RANBP2: variants seen among roughly 807,000 people sequenced by gnomAD.
RANBP2 encodes RAN binding protein 2.
RANBP2 carries 57 observed loss-of-function variants against 303.6 expected under a neutral mutation model. The ratio of observed to expected loss-of-function variants is 0.19; its 90% CI spans 0.15 to 0.23. The LOEUF is 0.23. RANBP2 is among the 10% of genes least tolerant of loss of function. The probability of loss-of-function intolerance (pLI) is 1.00; values close to 1 mark genes in which losing one functional copy is unlikely to be tolerated. For missense variants in RANBP2, 3,138 were observed against 3,780.8 expected (o/e 0.83, Z 4.46); for synonymous variants, 1,167 against 1,301.5 (o/e 0.90, Z 2.23).
intron 6 of RANBP2, 149 bp downstream of exon 6, chr2:108,736,398 C>G (rs1695588277): frequency 2.8e-6 from 4 of 1,445,692 alleles, no homozygotes; most frequent in African/African-American, 1.4e-5. Context: ...AGGAGGCAAT[C>G]TTATTTTTCT....
the RANBP2 span, among the ~76,000 whole-genome samples, chr2:109,480,083 TCTC>T: frequency 1.3e-5 from 2 of 152,148 alleles, no homozygotes; most frequent in East Asian, 3.9e-4. Flanking sequence ...TCCTGGCACT[TCTC>T]CTTTAGCTGA....
chr2:109,499,200 C>T, the RANBP2 span, among the ~76,000 whole-genome samples: 13 of 152,160 alleles, frequency 8.5e-5, no homozygotes, highest in South Asian at 2.1e-4. Context: ...TCCAGAGCCG[C>T]GGGGGCCGTG....
At chr2:109,613,870 C>A in the RANBP2 span, 5 of 1,230,908 alleles carry the variant, frequency 4.1e-6, no homozygotes, top group Non-Finnish European at 5.1e-6. Flanking sequence ...ATCAGCCCGG[C>A]CCCGAGCGGC....
the RANBP2 span, among the ~76,000 whole-genome samples, chr2:109,549,191 A>G: frequency 6.6e-6 from 1 of 152,352 alleles, no homozygotes; most frequent in South Asian, 2.1e-4. Flanking sequence ...ACACGTGTGC[A>G]TCGGTGATGT....
chr2:109,166,285 T>C, the RANBP2 span, among the ~76,000 whole-genome samples: 1 of 152,020 alleles, frequency 6.6e-6, no homozygotes, highest in African/African-American at 2.4e-5. Context: ...GAGACCATCC[T>C]GGCCAACATA....
the RANBP2 span, chr2:108,929,299 C>A: frequency 6.2e-7 from 1 of 1,614,210 alleles, no homozygotes; most frequent in Non-Finnish European, 8.5e-7. Flanking sequence ...GCCTGCATAT[C>A]TGGTAGCCTC....
At chr2:109,447,352 T>C in the RANBP2 span, among the ~76,000 whole-genome samples, 1 of 152,268 alleles carries the variant, frequency 6.6e-6, no homozygotes, top group Admixed American at 6.5e-5. Context: ...TGGAGAGCTT[T>C]GTATGTCTCA....
Position 108,767,477 on chromosome 2 carries a change from T to C in RANBP2, c.6938T>C (p.Val2313Ala). The C allele has an allele frequency of 6.2e-7, 1 of 1,611,964 alleles. No homozygotes were observed. The highest frequency in any genetic ancestry group is 8.5e-7 in the Non-Finnish European group (1 of 1,179,834). ...EERDGQYFEP[V>A]VPLPDLVEVS... ...AGAGATGGACAGTACTTTGAACCTG[T>C]TGTTCCTTTACCTGATCTAGTTGAA... Residue 2313 changes from valine to alanine, a missense_variant, in exon 20 of 29, where the codon GTT (valine) becomes GCT (alanine). By Grantham distance (64) the Val-to-Ala change is moderately conservative. Transcript: ENST00000283195.
chr2:108,942,557 G>A, the RANBP2 span, among the ~76,000 whole-genome samples: 1 of 152,250 alleles, frequency 6.6e-6, no homozygotes, highest in Non-Finnish European at 1.5e-5. Context: ...TCTCCCTCCC[G>A]TTCTAGAAGA....
the RANBP2 span, among the ~76,000 whole-genome samples, chr2:108,952,760 G>T: frequency 3.9e-5 from 6 of 152,026 alleles, no homozygotes; most frequent in African/African-American, 1.4e-4. Flanking sequence ...CTATTTCTTC[G>T]TATGTGTGGT....
Position 108,777,193 on chromosome 2 carries a change from C to T in RANBP2, c.8561C>T (p.Ala2854Val). The change falls in exon 25 of 29, where the codon GCT becomes GTT. Residue 2854 changes from alanine (A) to valine (V), a missense_variant. Physicochemically the swap from Ala to Val is moderately conservative, Grantham distance 64. Coordinates refer to ENST00000283195, the MANE Select transcript of RANBP2 (RefSeq NM_006267.5). ...ACAGGGCTCTCATTTGCAGACTTGGCTTCCAGTAATTCTGGAGATTTTGCT... is the reference window on the plus strand; with the variant it reads ...ACAGGGCTCTCATTTGCAGACTTGGTTTCCAGTAATTCTGGAGATTTTGCT... ...SSTGLSFADL[A>V]SSNSGDFAFG... The T allele has an allele frequency of 6.2e-7, 1 of 1,613,508 alleles. No homozygotes were observed. Among genetic ancestry groups the T allele is most frequent in the East Asian group, 2.2e-5 (1 of 44,828 alleles).
the RANBP2 span, chr2:108,910,650 C>A: frequency 7.1e-7 from 1 of 1,415,478 alleles, no homozygotes; most frequent in Non-Finnish European, 9.9e-7. Flanking sequence ...GTGGCACCAC[C>A]CCACGGTAAG....
the RANBP2 span, among the ~76,000 whole-genome samples, chr2:109,723,232 A>G: frequency 1.2e-4 from 18 of 152,042 alleles, no homozygotes; most frequent in Admixed American, 1.1e-3. Flanking sequence ...GCTCACTGCA[A>G]TCTCTGCCTC....
At chr2:109,470,030 C>T in the RANBP2 span, among the ~76,000 whole-genome samples, 1 of 152,182 alleles carries the variant, frequency 6.6e-6, no homozygotes, top group Admixed American at 6.5e-5. Context: ...TTTCACTCTT[C>T]GTGCGTCCTG....
At chr2:109,263,427 T>C in the RANBP2 span, among the ~76,000 whole-genome samples, 1 of 152,226 alleles carries the variant, frequency 6.6e-6, no homozygotes, top group Non-Finnish European at 1.5e-5. Flanking sequence ...AAATTCTTGA[T>C]TGACAGCCTT....
the RANBP2 span, among the ~76,000 whole-genome samples, chr2:109,576,077 C>T: frequency 2.6e-5 from 4 of 152,092 alleles, no homozygotes; most frequent in South Asian, 8.3e-4. Flanking sequence ...GACAACAACA[C>T]AGCGAGACCC....
chr2:109,603,335 C>G, the RANBP2 span, among the ~76,000 whole-genome samples: 3 of 151,858 alleles, frequency 2.0e-5, no homozygotes, highest in African/African-American at 7.3e-5. Context: ...CCTGGGTTCA[C>G]GCCATTCTCC....
At chr2:108,845,479 A>T in the RANBP2 span, among the ~76,000 whole-genome samples, 1 of 152,302 alleles carries the variant, frequency 6.6e-6, no homozygotes, top group Admixed American at 6.5e-5. Flanking sequence ...AGATTGGAGA[A>T]TTGGGTCATA....
the RANBP2 span, among the ~76,000 whole-genome samples, chr2:109,466,072 C>CTTTTTTTTTTT: frequency 2.4e-5 from 2 of 82,334 alleles, no homozygotes; most frequent in African/African-American, 4.4e-5. Context: ...ACCTGTACAT[C>CTTTTTTTTTTT]TTTTTTTTTT....
Sources: allele counts gnomAD v4.1 joint callset (sites outside exome capture counted in the v4.1 genomes callset), GRCh38; gene constraint gnomAD v4.1.1; transcripts MANE v1.5; gene names NCBI Gene and HGNC (gene_info 2026-07-23, HGNC 2026-07-21).